Variants in CDK12 observed in about 807,000 individuals in gnomAD.
CDK12 encodes the protein cyclin-dependent kinase 12.
CDK12 carries 17 observed loss-of-function variants against 133.8 expected under a neutral mutation model. The ratio of observed to expected loss-of-function variants is 0.13; its 90% CI spans 0.09 to 0.19. The LOEUF (loss-of-function observed/expected upper bound fraction) is 0.19, where lower values mean the gene tolerates loss of function less well. CDK12 is among the 10% of genes least tolerant of loss of function. The probability of loss-of-function intolerance (pLI) is 1.00; values close to 1 mark genes in which losing one functional copy is unlikely to be tolerated. For missense variants in CDK12, 1,508 were observed against 1,818.7 expected, an observed-to-expected ratio of 0.83 and a Z score of 3.11; for synonymous variants, 694 against 683.6, an observed-to-expected ratio of 1.02 and a Z score of -0.24.
intron 5 of CDK12, among the ~76,000 whole-genome samples, chr17:39,497,052 T>G (rs555519064): frequency 8.8e-4 from 133 of 151,836 alleles, no homozygotes; most frequent in African/African-American, 3.0e-3. Context: ...TGCCTCAGCC[T>G]TTGGAGTAGC....
intron 2 of CDK12, among the ~76,000 whole-genome samples, chr17:39,476,213 G>A (rs2050179838): frequency 6.6e-6 from 1 of 151,152 alleles, no homozygotes; most frequent in Admixed American, 6.6e-5. Context: ...GGGTTCAAGC[G>A]ATTCTCCTGT....
upstream of CDK12, among the ~76,000 whole-genome samples, chr17:39,545,901 T>C (rs2055670955): frequency 6.6e-6 from 1 of 150,934 alleles, no homozygotes; most frequent in Non-Finnish European, 1.5e-5. Context: ...GTTCACGCCA[T>C]TCTCCTGCCT....
chr17:39,565,413 C>CTGTT (rs5820296), downstream of CDK12, among the ~76,000 whole-genome samples: 81,368 of 144,584 alleles, frequency 0.56, 23,450 homozygotes, highest in South Asian at 0.67. Context: ...CGCACCCAGC[C>CTGTT]TGTTTGTTTG....
At chr17:39,481,000 T>C (rs1227663488) in intron 2 of CDK12, among the ~76,000 whole-genome samples, 1 of 151,762 alleles carries the variant, frequency 6.6e-6, no homozygotes, top group Non-Finnish European at 1.5e-5. Context: ...ACGCCTGTAA[T>C]CCCAGCACTT....
At chr17:39,544,407 G>T (rs115352600), upstream of CDK12, 2,659 of 455,944 alleles carry the variant, frequency 5.8e-3, 68 homozygotes, top group African/African-American at 0.049. Context: ...CTTTTGTGTG[G>T]GATGACCCTA....
At chr17:39,468,811 ATTTATTT>A (rs2049558621) in intron 1 of CDK12, among the ~76,000 whole-genome samples, 2 of 149,150 alleles carry the variant, frequency 1.3e-5, no homozygotes, top group South Asian at 2.1e-4. Context: ...TAATTAATTT[ATTTATTT>A]ATTTATTTAT....
rs554902470 is a variant in CDK12 at position 39,467,480 on chromosome 17, G to A, written c.1047-3399G>A. ...TTACCTATTTGTTGTCTACTCCTCC[G>A]CTTTTTTCTAGAAGAGTGAACCTGG... On this transcript the variant is annotated intron_variant, in intron 1 of 13. Transcript: ENST00000447079. 3.3e-5 allele frequency among the ~76,000 whole-genome samples: 5 copies of A among 152,004 alleles called. No homozygotes were observed. In the East Asian group the frequency reaches 7.7e-4, roughly 23 times the overall value.
At chr17:39,492,660 C>G in intron 3 of CDK12, 91 bp from the exon 4 acceptor site, 1 of 855,538 alleles carries the variant, frequency 1.2e-6, no homozygotes, top group African/African-American at 1.7e-5. Context: ...CTGCCAGCCT[C>G]GGCCTCCCAA....
chr17:39,495,432 A>G (rs1443340467), intron 5 of CDK12, among the ~76,000 whole-genome samples: 1 of 138,358 alleles, frequency 7.2e-6, no homozygotes, highest in Non-Finnish European at 1.5e-5. Flanking sequence ...ATAATAAGTG[A>G]ATGAATGGAT....
intron 3 of CDK12, among the ~76,000 whole-genome samples, chr17:39,491,811 A>G (rs2051628428): frequency 6.8e-6 from 1 of 146,626 alleles, no homozygotes; most frequent in Non-Finnish European, 1.5e-5. Flanking sequence ...TTCATTTCTG[A>G]CTTTTTAGTA....
chr17:39,555,024 C>T (rs562301053), intron 2 of CDK12, among the ~76,000 whole-genome samples: 136 of 151,824 alleles, frequency 9.0e-4, no homozygotes, highest in African/African-American at 3.1e-3. Flanking sequence ...CCGACGCAGG[C>T]GGATCACAAG....
chr17:39,463,333 TC>T (rs1382314653), intron 1 of CDK12, among the ~76,000 whole-genome samples: 30 of 152,280 alleles, frequency 2.0e-4, no homozygotes, highest in African/African-American at 7.0e-4. Flanking sequence ...GGTAGGTACT[TC>T]CAGTGGTGGG....
intron 8 of CDK12, among the ~76,000 whole-genome samples, chr17:39,514,239 G>C (rs564654856): frequency 7.9e-5 from 12 of 152,150 alleles, no homozygotes; most frequent in African/African-American, 2.9e-4. Flanking sequence ...GGGTTTGAGA[G>C]AATATAGGAA....
In CDK12 at chr17:39,531,220, G is replaced by T. The variant is rs757938934; in HGVS notation, c.4377G>T (p.Trp1459Cys). The change falls in exon 14 of 14, where the codon TGG becomes TGT. Residue 1459 changes from tryptophan (W) to cysteine (C), a missense_variant. Physicochemically the swap from Trp to Cys is radical, Grantham distance 215 (BLOSUM62 -2). This residue lies in a region of CDK12 where 114 missense variants were observed against 101.2 expected (regional missense o/e 1.13). Coordinates refer to ENST00000447079, the MANE Select transcript of CDK12 (RefSeq NM_016507.4). ...GCAGCTCAGGAGCAGGCCTTCACTGGGGGGGCCCAACTCAGTCTTCTGCTT... is the reference window on the plus strand; with the variant it reads ...GCAGCTCAGGAGCAGGCCTTCACTGTGGGGGCCCAACTCAGTCTTCTGCTT... ...GASSSGAGLH[W>C]GGPTQSSAYG... 6.6e-7 allele frequency: 1 copy of T among 1,516,748 alleles called. No homozygotes were observed. Among genetic ancestry groups the T allele is most frequent in the Non-Finnish European group, 8.8e-7 (1 of 1,134,640 alleles). The allele number at this position is 1,516,748 out of a possible 1,614,324, so 94.0% of individuals were successfully genotyped here. A position where few individuals can be genotyped will look rare whatever the true frequency, so the allele number is the denominator to read the frequency against.
intron 4 of CDK12, among the ~76,000 whole-genome samples, chr17:39,493,778 C>T (rs887565813): frequency 3.3e-5 from 5 of 151,962 alleles, no homozygotes; most frequent in Admixed American, 6.6e-5. Flanking sequence ...GGGCAGATCA[C>T]GAGGTCAGGA....
chr17:39,498,503 G>C (rs138623635), intron 5 of CDK12, among the ~76,000 whole-genome samples: 1 of 152,018 alleles, frequency 6.6e-6, no homozygotes, highest in Non-Finnish European at 1.5e-5. Context: ...GATTACAGGC[G>C]TGAGCCGCCG....
At chr17:39,509,598 A>G in intron 6 of CDK12, 107 bp from the exon 7 acceptor site, 1 of 761,294 alleles carries the variant, frequency 1.3e-6, no homozygotes, top group South Asian at 1.6e-5. Flanking sequence ...CAGAAGTTAA[A>G]ATTTATTTTT....
intron 1 of CDK12, among the ~76,000 whole-genome samples, chr17:39,468,276 C>T (rs1038336712): frequency 2.0e-5 from 3 of 152,058 alleles, no homozygotes; most frequent in Non-Finnish European, 4.4e-5. Context: ...ATCATCGCTG[C>T]CATTATGCAA....
At chr17:39,511,741 G>A in intron 8 of CDK12, 111 bp downstream of exon 8, 1 of 525,322 alleles carries the variant, frequency 1.9e-6, no homozygotes, top group Non-Finnish European at 3.2e-6. Context: ...CAGAAGGATG[G>A]CGATAAACTT....
Sources: allele counts gnomAD v4.1 joint callset (sites outside exome capture counted in the v4.1 genomes callset), GRCh38; gene constraint gnomAD v4.1.1; regional missense constraint gnomAD v4.1.1; transcripts MANE v1.5; gene names NCBI Gene and HGNC (gene_info 2026-07-23, HGNC 2026-07-21).